CACNA1E: variants seen among roughly 807,000 people sequenced by gnomAD.
CACNA1E encodes calcium voltage-gated channel subunit alpha1 E.
CACNA1E carries 40 observed loss-of-function variants against 259.2 expected under a neutral mutation model. The observed-to-expected ratio is 0.15, with a 90% CI of 0.12 to 0.20. The LOEUF is 0.20. Ranked by LOEUF, CACNA1E falls within the 10% of genes least tolerant of loss-of-function variation. The probability of loss-of-function intolerance (pLI) is 1.00; values close to 1 mark genes in which losing one functional copy is unlikely to be tolerated. For missense variants in CACNA1E, 1,874 were observed against 3,040.1 expected, an observed-to-expected ratio of 0.62 and a Z score of 9.02; for synonymous variants, 1,104 against 1,138.5, an observed-to-expected ratio of 0.97 and a Z score of 0.61.
chr1:181,442,678 T>C (rs1660574835), intron 2 of CACNA1E, among the ~76,000 whole-genome samples: 1 of 152,144 alleles, frequency 6.6e-6, no homozygotes, highest in South Asian at 2.1e-4. Flanking sequence ...CTAGAAGGAG[T>C]TGGAGGACAT....
At position 181,393,172 on chromosome 1, in the gene CACNA1E, G is replaced by A. The variant is rs78506229; in HGVS notation, c.-14-19961G>A. The stretch of plus-strand genomic sequence containing the variant: ...TGTGTTTATCAGCTAAATGCATGCT[G>A]TGGGGGAAGGCTGCCGGGGTTCAAA... On this transcript the variant is annotated intron_variant, in intron 1 of 11. Coordinates refer to the CACNA1E transcript ENST00000524607. Among the ~76,000 whole-genome samples the A allele has an allele frequency of 7.4e-3, 1,129 of 152,338 alleles. 15 individuals are homozygous for A. Among genetic ancestry groups the A allele is most frequent in the African/African-American group, 0.026 (1,070 of 41,562 alleles).
chr1:181,481,312 G>A (rs114319355), upstream of CACNA1E, among the ~76,000 whole-genome samples: 810 of 150,518 alleles, frequency 5.4e-3, 8 homozygotes, highest in African/African-American at 0.019. Context: ...CCATTCCTTT[G>A]GATTTCCAGT....
At chr1:181,342,664 A>G (rs2249324) in intron 1 of CACNA1E, among the ~76,000 whole-genome samples, 95,248 of 151,948 alleles carry the variant, frequency 0.63, 30,994 homozygotes, top group African/African-American at 0.76. Flanking sequence ...GCATGTTTGG[A>G]TGCTTTTAGG....
At chr1:181,563,228 T>A (rs1435282924) in intron 3 of CACNA1E, among the ~76,000 whole-genome samples, 3 of 152,164 alleles carry the variant, frequency 2.0e-5, no homozygotes, top group African/African-American at 7.2e-5. Context: ...ATACTTGTCA[T>A]CCTAGGAGGC....
chr1:181,529,621 C>A (rs1195369371), intron 3 of CACNA1E, among the ~76,000 whole-genome samples: 1 of 152,220 alleles, frequency 6.6e-6, no homozygotes, highest in African/African-American at 2.4e-5. Flanking sequence ...ACCATGGGAA[C>A]CTACCTTTGG....
intron 1 of CACNA1E, among the ~76,000 whole-genome samples, chr1:181,393,198 T>C (rs946414752): frequency 1.3e-5 from 2 of 152,190 alleles, no homozygotes; most frequent in African/African-American, 4.8e-5. Context: ...GGGGTTCAAA[T>C]CCTGGCTCTA....
At chr1:181,793,473 G>A (rs183327958) in intron 44 of CACNA1E, among the ~76,000 whole-genome samples, 192 bp from the exon 45 acceptor site, 1 of 152,212 alleles carries the variant, frequency 6.6e-6, no homozygotes, top group South Asian at 2.1e-4. Flanking sequence ...ATCCCAGCTA[G>A]AGCTTCCTGT....
At chr1:181,733,152 A>T in intron 20 of CACNA1E, 118 bp downstream of exon 20, 3 of 1,365,516 alleles carry the variant, frequency 2.2e-6, no homozygotes, top group Non-Finnish European at 2.9e-6. Flanking sequence ...AATGATGCTG[A>T]CACACACTTT....
At chr1:181,443,601 C>A (rs1660632143) in intron 2 of CACNA1E, among the ~76,000 whole-genome samples, 1 of 152,230 alleles carries the variant, frequency 6.6e-6, no homozygotes, top group Admixed American at 6.5e-5. Flanking sequence ...AGTCTTATCA[C>A]CTCACTACAC....
At chr1:181,688,023 T>C (rs1650759811) in intron 7 of CACNA1E, among the ~76,000 whole-genome samples, 1 of 152,160 alleles carries the variant, frequency 6.6e-6, no homozygotes, top group African/African-American at 2.4e-5. Context: ...GTCTGAAATA[T>C]TTCATATACA....
chr1:181,575,991 T>A (rs1262205023), intron 3 of CACNA1E, among the ~76,000 whole-genome samples: 1 of 152,208 alleles, frequency 6.6e-6, no homozygotes, highest in Non-Finnish European at 1.5e-5. Flanking sequence ...CTTCCCTACT[T>A]ATTAGAAATT....
chr1:181,479,566 G>A (rs1663094049), upstream of CACNA1E, among the ~76,000 whole-genome samples: 1 of 152,180 alleles, frequency 6.6e-6, no homozygotes, highest in Non-Finnish European at 1.5e-5. Flanking sequence ...AATACCGCAT[G>A]ACTACAGTAT....
In CACNA1E at chr1:181,483,927, C is replaced by T. The variant is rs372445856; in HGVS notation, c.183C>T (p.Asn61=). Residue 61 remains asparagine (N), a synonymous_variant, in exon 1 of 48, where the codon AAC becomes AAT. Coordinates refer to ENST00000367573, the MANE Select transcript of CACNA1E (RefSeq NM_001205293.3). ...ACAACCCCATTCCCGTCCGGCAGAA[C>T]TGTTTCACCGTCAACAGATCCCTGT... The part of the protein sequence containing the change: ...ALYNPIPVRQ[N]CFTVNRSLFI... 117 of 1,613,748 alleles carry T rather than the reference C, an allele frequency of 7.3e-5. No homozygotes were observed. In the African/African-American group the frequency reaches 1.1e-3, roughly 15 times the overall value.
chr1:181,538,088 G>C (rs747790430), intron 3 of CACNA1E, among the ~76,000 whole-genome samples: 3 of 152,140 alleles, frequency 2.0e-5, no homozygotes, highest in Non-Finnish European at 4.4e-5. Flanking sequence ...TTCTGTCTTA[G>C]TGTTTTTATG....
At chr1:181,352,010 G>C (rs1182109891) in intron 1 of CACNA1E, among the ~76,000 whole-genome samples, 1 of 152,210 alleles carries the variant, frequency 6.6e-6, no homozygotes, top group African/African-American at 2.4e-5. Flanking sequence ...CCATGCACTT[G>C]CAGCATCTGG....
intron 7 of CACNA1E, among the ~76,000 whole-genome samples, chr1:181,653,819 A>G (rs1310212427): frequency 6.6e-6 from 1 of 152,242 alleles, no homozygotes; most frequent in Non-Finnish European, 1.5e-5. Flanking sequence ...AAATAAAGTA[A>G]CATTCACATG....
chr1:181,612,570 T>C (rs6671804), intron 6 of CACNA1E, among the ~76,000 whole-genome samples: 4,466 of 152,356 alleles, frequency 0.029, 98 homozygotes, highest in Non-Finnish European at 0.048. Flanking sequence ...AGAGGCTTCC[T>C]GGGAGAATGC....
chr1:181,776,153 G>A lies in CACNA1E; in HGVS notation c.5192G>A (p.Arg1731Gln), dbSNP rs1030552397. 23 of 1,613,870 alleles carry A rather than the reference G, an allele frequency of 1.4e-5. No individual in the cohort carries two copies. Among genetic ancestry groups the A allele is most frequent in the Non-Finnish European group, 1.9e-5 (22 of 1,179,770 alleles). The change falls in exon 38 of 48, where the codon CGG (arginine) becomes CAG (glutamine). Residue 1731 changes from arginine to glutamine, a missense_variant. Physicochemically the swap from Arg to Gln is conservative, Grantham distance 43. Coordinates refer to ENST00000367573, the MANE Select transcript of CACNA1E (RefSeq NM_001205293.3). This position sits in a 1 kb window ranked among gnomAD's most constrained non-coding sequence, Gnocchi z 4.4. ...VIMDNFEYLT[R>Q]DSSILGPHHL... ...ATGGACAACTTTGAGTACCTGACTC[G>A]GGACTCCTCCATCCTGGGGCCTCAC...
chr1:181,641,701 TTG>T (rs1370927038), intron 6 of CACNA1E, among the ~76,000 whole-genome samples: 31 of 110,648 alleles, frequency 2.8e-4, no homozygotes, highest in Middle Eastern at 4.3e-3. Context: ...CACTAATTTT[TTG>T]TTTTTTTTTT....
Sources: allele counts gnomAD v4.1 joint callset (sites outside exome capture counted in the v4.1 genomes callset), GRCh38; gene constraint gnomAD v4.1.1; non-coding constraint Gnocchi (gnomAD v3.1); transcripts MANE v1.5; gene names NCBI Gene and HGNC (gene_info 2026-07-23, HGNC 2026-07-21).